Variants in DSCAM observed in about 807,000 individuals in gnomAD.
DSCAM encodes the protein cell adhesion molecule DSCAM.
Under a neutral mutation model 217.7 loss-of-function variants are expected in DSCAM, and 47 were observed. That is an observed-to-expected ratio of 0.22 (90% CI 0.17 to 0.28). The LOEUF is 0.28. Among genes scored for constraint, DSCAM ranks in the 10% least tolerant of loss-of-function variants. The pLI, the probability that DSCAM is intolerant of heterozygous loss-of-function variation, is 1.00. For synonymous variants in DSCAM, 1,056 were observed against 1,015.3 expected (o/e 1.04, Z -0.76); for missense variants, 2,080 against 2,618.3 (o/e 0.79, Z 4.49).
intron 1 of DSCAM, among the ~76,000 whole-genome samples, chr21:40,845,522 TTTAC>T: frequency 6.7e-6 from 1 of 149,068 alleles, no homozygotes; most frequent in African/African-American, 2.5e-5. Flanking sequence ...CTTCTCTTCT[TTTAC>T]CTTCTCTTCT....
intron 3 of DSCAM, among the ~76,000 whole-genome samples, chr21:40,530,183 A>C (rs1206819559): frequency 6.6e-6 from 1 of 152,200 alleles, no homozygotes; most frequent in Non-Finnish European, 1.5e-5. Context: ...ACACAAACTC[A>C]GTACAAAGAA....
intron 1 of DSCAM, among the ~76,000 whole-genome samples, chr21:40,718,191 T>G (rs1341892919): frequency 6.6e-6 from 1 of 152,212 alleles, no homozygotes; most frequent in Non-Finnish European, 1.5e-5. Flanking sequence ...GGAAACAACA[T>G]GTCAGTTTCA....
chr21:40,476,212 C>T (rs553335831), intron 3 of DSCAM, among the ~76,000 whole-genome samples: 14 of 152,238 alleles, frequency 9.2e-5, no homozygotes, highest in East Asian at 5.8e-4. Flanking sequence ...TTTGAAGGCC[C>T]TTAGTGAAGG....
chr21:40,256,060 C>A lies in DSCAM; in HGVS notation c.2356+20037G>T, dbSNP rs117796433. The stretch of plus-strand genomic sequence containing the variant: ...AGTTTGTGGTAGTTTGTAATGGCAA[C>A]TTGAGAAAACTAATACAGAAGGTAT... On this transcript the variant is annotated intron_variant, in intron 11 of 32. Coordinates refer to ENST00000400454, the MANE Select transcript of DSCAM (RefSeq NM_001389.5). 4.0e-3 allele frequency among the ~76,000 whole-genome samples: 616 copies of A among 152,294 alleles called. 11 individuals carry two copies. Among genetic ancestry groups the A allele is most frequent in the East Asian group, 0.029 (152 of 5,190 alleles).
chr21:40,137,637 A>G (rs1286870027), intron 18 of DSCAM, among the ~76,000 whole-genome samples: 2 of 136,952 alleles, frequency 1.5e-5, no homozygotes, highest in Non-Finnish European at 3.1e-5. Context: ...ACACACACAC[A>G]CACACACATT....
At chr21:40,371,051 T>A (rs1478344936) in intron 3 of DSCAM, among the ~76,000 whole-genome samples, 1 of 152,220 alleles carries the variant, frequency 6.6e-6, no homozygotes, top group Admixed American at 6.5e-5. Flanking sequence ...TATAAGCTTT[T>A]CAAAGGAGCG....
At chr21:40,120,933 G>A (rs913318008) in intron 20 of DSCAM, among the ~76,000 whole-genome samples, 2 of 152,312 alleles carry the variant, frequency 1.3e-5, no homozygotes, top group East Asian at 1.9e-4. Context: ...CCAAGAAGGG[G>A]AGATGAATTT....
chr21:40,599,762 G>A (rs905818948), intron 3 of DSCAM, among the ~76,000 whole-genome samples: 83 of 152,194 alleles, frequency 5.5e-4, no homozygotes, highest in African/African-American at 1.8e-3. Flanking sequence ...AATAAAACAC[G>A]ATAAAGGGGA....
intron 9 of DSCAM, among the ~76,000 whole-genome samples, chr21:40,298,250 T>G: frequency 6.6e-6 from 1 of 151,866 alleles, no homozygotes; most frequent in African/African-American, 2.4e-5. Flanking sequence ...CCAGGTAATT[T>G]TTTTGTATTT....
At chr21:40,165,954 C>G (rs1275382890) in intron 16 of DSCAM, among the ~76,000 whole-genome samples, 2 of 152,136 alleles carry the variant, frequency 1.3e-5, no homozygotes, top group African/African-American at 2.4e-5. Flanking sequence ...ACCTCCCACA[C>G]TCCTCGGCCT....
chr21:40,133,826 T>C, intron 19 of DSCAM, 28 bp downstream of exon 19: 1 of 1,576,094 alleles, frequency 6.3e-7, no homozygotes, highest in Non-Finnish European at 8.6e-7. Context: ...CAGCAACTGC[T>C]GGGACCCACC....
intron 3 of DSCAM, among the ~76,000 whole-genome samples, chr21:40,424,764 TTAATC>T (rs1279864494): frequency 2.0e-5 from 3 of 152,160 alleles, no homozygotes; most frequent in Non-Finnish European, 4.4e-5. Context: ...TTTCTTATCT[TTAATC>T]TAAATAAGCT....
intron 3 of DSCAM, among the ~76,000 whole-genome samples, chr21:40,620,265 AAG>A (rs1281657737): frequency 7.2e-6 from 1 of 139,332 alleles, no homozygotes; most frequent in African/African-American, 2.8e-5. Flanking sequence ...AAAAAAGAAA[AAG>A]AAAGAAAGAG....
intron 1 of DSCAM, among the ~76,000 whole-genome samples, chr21:40,810,905 TA>T (rs67721150): frequency 4.7e-5 from 7 of 150,530 alleles, no homozygotes; most frequent in East Asian, 3.9e-4. Context: ...ACCCTGTCTC[TA>T]AAAAAAATGC....
intron 15 of DSCAM, among the ~76,000 whole-genome samples, chr21:40,174,185 G>A (rs1214970417): frequency 6.6e-6 from 1 of 152,186 alleles, no homozygotes; most frequent in Non-Finnish European, 1.5e-5. Flanking sequence ...GGTGCTAGGG[G>A]TGGTTGGGGA....
intron 11 of DSCAM, among the ~76,000 whole-genome samples, chr21:40,267,312 A>C (rs994110565): frequency 6.6e-6 from 1 of 152,160 alleles, no homozygotes; most frequent in Non-Finnish European, 1.5e-5. Flanking sequence ...AATTATGAAC[A>C]ATTAGTAAAT....
chr21:40,358,090 G>A (rs543737116), intron 4 of DSCAM, among the ~76,000 whole-genome samples: 1 of 152,140 alleles, frequency 6.6e-6, no homozygotes, highest in African/African-American at 2.4e-5. Flanking sequence ...AAACACCACA[G>A]TGTGCACCTC....
intron 20 of DSCAM, among the ~76,000 whole-genome samples, chr21:40,114,602 A>G (rs1447498186): frequency 6.6e-6 from 1 of 152,240 alleles, no homozygotes; most frequent in Non-Finnish European, 1.5e-5. Context: ...ACAGCAAAAG[A>G]GACTACCATC....
At chr21:40,317,567 T>C (rs925395534) in intron 8 of DSCAM, among the ~76,000 whole-genome samples, 4 of 152,224 alleles carry the variant, frequency 2.6e-5, no homozygotes, top group Non-Finnish European at 5.9e-5. Context: ...TTCACTCTTG[T>C]TGCCTAGGCT....
Sources: gnomAD v4.1 joint callset for allele counts (sites outside exome capture counted in the v4.1 genomes callset) on GRCh38, gnomAD v4.1.1 for gene constraint, MANE v1.5 for transcripts, NCBI Gene and HGNC (gene_info 2026-07-23, HGNC 2026-07-21) for gene names.